TSNARE1: variants seen among roughly 807,000 people sequenced by gnomAD.
The protein encoded by TSNARE1 is t-SNARE domain containing 1.
In TSNARE1, 49 loss-of-function variants were observed where a neutral mutation model predicts 62.0. The observed-to-expected ratio is 0.79, with a 90% CI of 0.63 to 1.00. The LOEUF is 1.00. Ranked by LOEUF, TSNARE1 falls within the 50% of genes least tolerant of loss-of-function variation. The probability of loss-of-function intolerance (pLI) is 0.00; values close to 1 mark genes in which losing one functional copy is unlikely to be tolerated. For synonymous variants in TSNARE1, 328 were observed against 294.4 expected (o/e 1.11, Z -1.17); for missense variants, 755 against 700.1 (o/e 1.08, Z -0.88).
chr8:142,299,839 T>C (rs1447353256), intron 10 of TSNARE1, among the ~76,000 whole-genome samples: 1 of 152,220 alleles, frequency 6.6e-6, no homozygotes, highest in Non-Finnish European at 1.5e-5. Context: ...GCAACTGTCT[T>C]AAGAGATTAA....
intron 12 of TSNARE1, among the ~76,000 whole-genome samples, chr8:142,256,367 T>G (rs369458512): frequency 8.8e-6 from 1 of 113,236 alleles, no homozygotes; most frequent in African/African-American, 3.3e-5. Context: ...ATCACCACCA[T>G]CATCACCACC....
At chr8:142,261,426 T>C (rs1026105518) in intron 12 of TSNARE1, among the ~76,000 whole-genome samples, 4 of 103,238 alleles carry the variant, frequency 3.9e-5, no homozygotes, top group African/African-American at 1.5e-4. Flanking sequence ...GAAGGAGGGA[T>C]GAAGGAGAGA....
chr8:142,261,995 C>T (rs2130406938), intron 12 of TSNARE1, among the ~76,000 whole-genome samples: 1 of 152,362 alleles, frequency 6.6e-6, no homozygotes, highest in Non-Finnish European at 1.5e-5. Context: ...CTCCCAGCCC[C>T]ATCAACTCTT....
At chr8:142,370,595 C>A (rs1835853192) in intron 1 of TSNARE1, among the ~76,000 whole-genome samples, 1 of 151,778 alleles carries the variant, frequency 6.6e-6, no homozygotes, top group Non-Finnish European at 1.5e-5. Context: ...CAAAACCCAA[C>A]AACAACAAAA....
intron 12 of TSNARE1, among the ~76,000 whole-genome samples, chr8:142,258,394 C>T (rs548606365): frequency 6.6e-6 from 1 of 152,026 alleles, no homozygotes; most frequent in South Asian, 2.1e-4. Flanking sequence ...GGAGTGCTTA[C>T]TGTATCTTGG....
chr8:142,351,513 G>A (rs1299076607), intron 2 of TSNARE1, among the ~76,000 whole-genome samples: 1 of 152,054 alleles, frequency 6.6e-6, no homozygotes, highest in African/African-American at 2.4e-5. Flanking sequence ...GCTTGTTCAC[G>A]GACTGGAAGG....
chr8:142,245,859 G>T (rs375142291), intron 12 of TSNARE1, among the ~76,000 whole-genome samples: 1 of 152,058 alleles, frequency 6.6e-6, no homozygotes, highest in Non-Finnish European at 1.5e-5. Flanking sequence ...CTAAATACAC[G>T]CTACACACAA....
chr8:142,369,537 C>T (rs1236247001), intron 1 of TSNARE1, among the ~76,000 whole-genome samples: 1 of 152,138 alleles, frequency 6.6e-6, no homozygotes, highest in Non-Finnish European at 1.5e-5. Context: ...AGGTCAGAAC[C>T]ATCAAGGAAT....
chr8:142,357,764 A>G (rs544907109), intron 1 of TSNARE1, among the ~76,000 whole-genome samples: 1 of 152,344 alleles, frequency 6.6e-6, no homozygotes, highest in Non-Finnish European at 1.5e-5. Context: ...ACGCGAGTCC[A>G]CTGTGTAGGG....
chr8:142,294,052 C>T (rs914679737), intron 10 of TSNARE1, among the ~76,000 whole-genome samples: 2 of 152,048 alleles, frequency 1.3e-5, no homozygotes, highest in East Asian at 1.9e-4. Flanking sequence ...CCAGGGGCCA[C>T]GAGGAGAGGG....
chr8:142,266,372 C>T (rs1333880098), intron 12 of TSNARE1, among the ~76,000 whole-genome samples: 1 of 152,174 alleles, frequency 6.6e-6, no homozygotes, highest in Non-Finnish European at 1.5e-5. Flanking sequence ...CAGTCCTTCA[C>T]CTTGAAGTCC....
At chr8:142,288,467 T>C (rs2130999254) in intron 10 of TSNARE1, among the ~76,000 whole-genome samples, 1 of 152,308 alleles carries the variant, frequency 6.6e-6, no homozygotes, top group South Asian at 2.1e-4. Flanking sequence ...GCAGAAGTGA[T>C]TTTCCATCTC....
intron 11 of TSNARE1, among the ~76,000 whole-genome samples, chr8:142,282,413 A>G (rs897161423): frequency 6.0e-5 from 9 of 149,262 alleles, no homozygotes; most frequent in African/African-American, 2.2e-4. Flanking sequence ...GGGTGGGGCC[A>G]GTGTCTATTA....
At chr8:142,400,433 G>A (rs1385365899) in intron 1 of TSNARE1, among the ~76,000 whole-genome samples, 3 of 150,690 alleles carry the variant, frequency 2.0e-5, no homozygotes, top group Non-Finnish European at 3.0e-5. Context: ...GCAACAAGAG[G>A]GAAGCTTCTC....
At chr8:142,331,495 C>A (rs982695308) in intron 5 of TSNARE1, among the ~76,000 whole-genome samples, 5 of 152,198 alleles carry the variant, frequency 3.3e-5, no homozygotes, top group African/African-American at 1.2e-4. Context: ...GAGCAGCCAG[C>A]GGGAGCGGTA....
At chr8:142,274,092 GTC>G in intron 12 of TSNARE1, 2 of 985,310 alleles carry the variant, frequency 2.0e-6, no homozygotes, top group Non-Finnish European at 2.4e-6. Context: ...TGGACTTAAT[GTC>G]CAGCCTGCCT....
intron 1 of TSNARE1, among the ~76,000 whole-genome samples, chr8:142,357,962 G>T (rs1021410336): frequency 7.9e-5 from 12 of 151,944 alleles, no homozygotes; most frequent in Non-Finnish European, 5.9e-5. Context: ...GGCGGGGTCT[G>T]CTGGGTTTCA....
intron 1 of TSNARE1, among the ~76,000 whole-genome samples, chr8:142,357,154 G>A (rs10091919): frequency 0.31 from 46,707 of 152,158 alleles, 9,228 homozygotes; most frequent in African/African-American, 0.56. Context: ...AGGAGGGCCA[G>A]GGGAAGAGAA....
intron 7 of TSNARE1, among the ~76,000 whole-genome samples, chr8:142,316,818 C>T (rs1475171252): frequency 6.6e-6 from 1 of 151,902 alleles, no homozygotes; most frequent in Non-Finnish European, 1.5e-5. Flanking sequence ...CCTAACTCTC[C>T]GCTCCTCACT....
Sources: allele counts gnomAD v4.1 joint callset (sites outside exome capture counted in the v4.1 genomes callset), GRCh38; gene constraint gnomAD v4.1.1; transcripts MANE v1.5; gene names NCBI Gene and HGNC (gene_info 2026-07-23, HGNC 2026-07-21).